CCDC88C: variants seen among roughly 807,000 people sequenced by gnomAD.
The protein encoded by CCDC88C is coiled-coil and HOOK domain protein 88C, also known as protein Daple.
Under a neutral mutation model 198.8 loss-of-function variants are expected in CCDC88C, and 131 were observed. That is an observed-to-expected ratio of 0.66 (90% confidence interval 0.57 to 0.76). CCDC88C has a LOEUF of 0.76. CCDC88C is among the 30% of genes least tolerant of loss of function. The pLI is 0.00. For synonymous variants in CCDC88C, 1,166 were observed against 1,114.7 expected (o/e 1.05, Z -0.92); for missense variants, 2,553 against 2,631.6 (o/e 0.97, Z 0.65).
intron 3 of CCDC88C, among the ~76,000 whole-genome samples, chr14:91,370,880 G>A (rs934267917): frequency 5.3e-5 from 8 of 152,242 alleles, no homozygotes; most frequent in African/African-American, 9.6e-5. Context: ...TGACAGAGGC[G>A]TAGCCCCACA....
chr14:91,285,513 T>C (rs1358118074), intron 25 of CCDC88C: 6 of 589,488 alleles, frequency 1.0e-5, no homozygotes, highest in Non-Finnish European at 1.6e-5. Context: ...TATTTTGAAA[T>C]CAGAATCCAC....
intron 12 of CCDC88C, among the ~76,000 whole-genome samples, chr14:91,321,672 A>G (rs992799828): frequency 1.3e-5 from 2 of 152,154 alleles, no homozygotes; most frequent in African/African-American, 4.8e-5. Flanking sequence ...GACATTTTCC[A>G]TACCCCCCAG....
At chr14:91,377,809 C>T (rs1421696721) in intron 3 of CCDC88C, among the ~76,000 whole-genome samples, 5 of 152,182 alleles carry the variant, frequency 3.3e-5, no homozygotes, top group African/African-American at 1.2e-4. Context: ...GTCTGGTTGC[C>T]CCTCTGTGGG....
At chr14:91,390,303 A>G (rs1885426982) in intron 3 of CCDC88C, among the ~76,000 whole-genome samples, 1 of 152,156 alleles carries the variant, frequency 6.6e-6, no homozygotes, top group Admixed American at 6.5e-5. Flanking sequence ...GCACATAGCC[A>G]TATGTTCCAC....
rs576273313 is a variant in CCDC88C, at chr14:91,401,098, C to T, written c.270+7561G>A. ...GCAGGTTACAAACAGTATAATGATACGAGCCACACTTTAGAAACACACACA... is the reference window on the plus strand; with the variant it reads ...GCAGGTTACAAACAGTATAATGATATGAGCCACACTTTAGAAACACACACA... On this transcript the variant is annotated intron_variant, in intron 3 of 29. Coordinates refer to ENST00000389857, the MANE Select transcript of CCDC88C (RefSeq NM_001080414.4). Among the ~76,000 whole-genome samples, 197 of 151,332 alleles carry T rather than the reference C, an allele frequency of 1.3e-3. 1 individual carries two copies. The highest frequency in any genetic ancestry group is 4.3e-3 in the African/African-American group (179 of 41,250).
chr14:91,275,163 CAG>C (rs374188568), intron 29 of CCDC88C, among the ~76,000 whole-genome samples: 138 of 152,254 alleles, frequency 9.1e-4, no homozygotes, highest in African/African-American at 2.9e-3. Flanking sequence ...ACCAGGCAGA[CAG>C]AGGGGGCTGG....
intron 28 of CCDC88C, among the ~76,000 whole-genome samples, chr14:91,278,888 A>ATTT (rs1890078815): frequency 7.5e-5 from 3 of 39,760 alleles, no homozygotes; most frequent in Middle Eastern, 0.02. Flanking sequence ...CACCAAATAC[A>ATTT]CTTTTTTTTT....
rs1182919505 is a variant in CCDC88C, at chr14:91,352,328, C to T, written c.340+7314G>A. On this transcript the variant is annotated intron_variant, in intron 4 of 29. Coordinates refer to ENST00000389857, the MANE Select transcript of CCDC88C (RefSeq NM_001080414.4). The surrounding 1 kb of genome is among the most constrained non-coding windows in gnomAD (Gnocchi z 4.2). Reference sequence around the variant, plus strand: ...GGCGTGTGGGCCGCACTGTGACGCTCGGCTGGGCTTGGTGTCAGCCAAACT... The same window carrying T: ...GGCGTGTGGGCCGCACTGTGACGCTTGGCTGGGCTTGGTGTCAGCCAAACT... 2.0e-5 allele frequency among the ~76,000 whole-genome samples: 3 copies of T among 152,190 alleles called. No homozygotes were observed. Among genetic ancestry groups the T allele is most frequent in the Admixed American group, 1.3e-4 (2 of 15,284 alleles).
At position 91,281,176 on chromosome 14, in the gene CCDC88C, C is replaced by T. The variant is rs1006116515; in HGVS notation, c.4699+281G>A. 18 of 692,314 alleles carry T rather than the reference C, an allele frequency of 2.6e-5. 1 individual carries two copies. Among genetic ancestry groups the T allele is most frequent in the Admixed American group, 2.0e-4 (9 of 45,410 alleles). The allele number at this position is 692,314 out of a possible 1,614,324, so 42.9% of individuals were successfully genotyped here. On this transcript the variant is annotated intron_variant, in intron 27 of 29. Transcript: ENST00000389857. ...ACGCTCCCCACCTGGGCCACCGGAACTTCCTGGCCAGCCTGGAAGGGTGCT... is the reference window on the plus strand; with the variant it reads ...ACGCTCCCCACCTGGGCCACCGGAATTTCCTGGCCAGCCTGGAAGGGTGCT...
chr14:91,320,500 T>C (rs1356013135), intron 13 of CCDC88C, among the ~76,000 whole-genome samples: 1 of 152,224 alleles, frequency 6.6e-6, no homozygotes, highest in Non-Finnish European at 1.5e-5. Flanking sequence ...AAACAAGGAA[T>C]ACTAAGCCAT....
chr14:91,290,233 T>G (rs1209644398), intron 24 of CCDC88C, among the ~76,000 whole-genome samples: 1 of 152,276 alleles, frequency 6.6e-6, no homozygotes, highest in East Asian at 1.9e-4. Flanking sequence ...GACTGTGCCA[T>G]TGCACTCCAA....
rs549952610 is a variant in CCDC88C, at chr14:91,342,593, C to T, written c.400-130G>A. The T allele has an allele frequency of 1.2e-4, 85 of 690,588 alleles. 2 individuals carry two copies. In the South Asian group the frequency reaches 1.3e-3, roughly 11 times the overall value. 42.8% of individuals were successfully genotyped at this position (690,588 alleles called of 1,614,324 possible). Reference sequence around the variant, plus strand: ...GGCTTCTCCTTCATAACTAAGAACGCTCTTGTCCTCCTACCAGCCTTACAC... The same window carrying T: ...GGCTTCTCCTTCATAACTAAGAACGTTCTTGTCCTCCTACCAGCCTTACAC... On this transcript the variant is annotated intron_variant, in intron 5 of 29. Coordinates refer to ENST00000389857, the MANE Select transcript of CCDC88C (RefSeq NM_001080414.4).
At chr14:91,409,855 T>C (rs1325673031) in intron 2 of CCDC88C, among the ~76,000 whole-genome samples, 1 of 152,222 alleles carries the variant, frequency 6.6e-6, no homozygotes, top group African/African-American at 2.4e-5. Flanking sequence ...GGTCTCCCTC[T>C]GTCATGCGAA....
chr14:91,410,828 T>C (rs8021811), intron 2 of CCDC88C, among the ~76,000 whole-genome samples: 60,563 of 152,086 alleles, frequency 0.4, 12,498 homozygotes, highest in East Asian at 0.42. Context: ...GTCTTTGTCA[T>C]TGTAGACCCA....
intron 4 of CCDC88C, among the ~76,000 whole-genome samples, chr14:91,359,030 T>C (rs1567097028): frequency 6.6e-6 from 1 of 152,092 alleles, no homozygotes; most frequent in Non-Finnish European, 1.5e-5. Flanking sequence ...GATTCCACAC[T>C]TACTGAGGAG....
At chr14:91,397,511 C>T (rs147437678) in intron 3 of CCDC88C, among the ~76,000 whole-genome samples, 261 of 152,300 alleles carry the variant, frequency 1.7e-3, no homozygotes, top group African/African-American at 5.7e-3. Context: ...CACATTCTCT[C>T]CATCTCCTTG....
At chr14:91,372,484 G>A (rs1226003579) in intron 3 of CCDC88C, among the ~76,000 whole-genome samples, 1 of 133,426 alleles carries the variant, frequency 7.5e-6, no homozygotes, top group Admixed American at 8.6e-5. Context: ...GCTGAAATGG[G>A]AAAGAACAAG....
In CCDC88C at chr14:91,273,013, T is replaced by C; in HGVS notation, c.5699A>G (p.His1900Arg). ...PPKEERLAPL[H>R]QSATAPAIAT... The stretch of plus-strand genomic sequence containing the variant: ...AATGGCGGGGGCTGTGGCAGACTGA[T>C]GCAGGGGGGCCAGCCTCTCCTCCTT... Residue 1900 changes from histidine (H) to arginine (R), a missense_variant, in exon 30 of 30, where the codon CAT becomes CGT. Transcript: ENST00000389857. This position sits in a 1 kb window ranked among gnomAD's most constrained non-coding sequence, Gnocchi z 5.6. The C allele has an allele frequency of 1.3e-6, 2 of 1,553,686 alleles. No homozygotes were observed. Among genetic ancestry groups the C allele is most frequent in the Non-Finnish European group, 1.7e-6 (2 of 1,154,644 alleles).
intron 3 of CCDC88C, among the ~76,000 whole-genome samples, chr14:91,360,618 T>C (rs1894267672): frequency 6.6e-6 from 1 of 152,186 alleles, no homozygotes; most frequent in South Asian, 2.1e-4. Flanking sequence ...TCAGAGCTGC[T>C]CTGCCCAGCC....
Sources: gnomAD v4.1 joint callset for allele counts (sites outside exome capture counted in the v4.1 genomes callset) on GRCh38, gnomAD v4.1.1 for gene constraint, Gnocchi (gnomAD v3.1) non-coding constraint, MANE v1.5 for transcripts, NCBI Gene and HGNC (gene_info 2026-07-23, HGNC 2026-07-21) for gene names.